The following DAAM1 variants were observed in gnomAD, a reference collection of about 807,000 sequenced individuals.
DAAM1 encodes the protein dishevelled associated activator of morphogenesis 1.
DAAM1 carries 52 observed loss-of-function variants against 130.0 expected under a neutral mutation model. That is an observed-to-expected ratio of 0.40 (90% confidence interval 0.32 to 0.50). DAAM1 has a LOEUF of 0.50. DAAM1 is among the 20% of genes least tolerant of loss of function. The pLI is 0.61. For missense variants in DAAM1, 1,134 were observed against 1,303.8 expected (o/e 0.87, Z 2.01); for synonymous variants, 452 against 444.5 (o/e 1.02, Z -0.21).
chr14:59,363,801 C>A lies in DAAM1; in HGVS notation c.2826+19C>A. 1 of 1,612,496 alleles carries A rather than the reference C, an allele frequency of 6.2e-7. No individual in the cohort carries two copies. The highest frequency in any genetic ancestry group is 8.5e-7 in the Non-Finnish European group (1 of 1,179,722). ...AGACCTGGTAAGTTTCCCCCTTGTG[C>A]ACTGAGTGTTGTTTGACCGGGCTGG... On this transcript the variant is annotated intron_variant, in intron 23 of 24. Coordinates refer to ENST00000360909, the MANE Select transcript of DAAM1 (RefSeq NM_001270520.2).
At chr14:59,221,465 C>G (rs1888770308) in intron 1 of DAAM1, among the ~76,000 whole-genome samples, 1 of 152,172 alleles carries the variant, frequency 6.6e-6, no homozygotes, top group Non-Finnish European at 1.5e-5. Flanking sequence ...ATTCTGTATT[C>G]CCTTTGCCTT....
intron 23 of DAAM1, among the ~76,000 whole-genome samples, chr14:59,366,904 T>TAAGA (rs1236418959): frequency 7.1e-6 from 1 of 140,688 alleles, no homozygotes; most frequent in African/African-American, 2.6e-5. Context: ...GGGTAACATG[T>TAAGA]AAGACCCCAT....
intron 1 of DAAM1, among the ~76,000 whole-genome samples, chr14:59,224,059 C>G (rs1888860164): frequency 6.6e-6 from 1 of 152,200 alleles, no homozygotes; most frequent in Admixed American, 6.5e-5. Context: ...TGATGTACCT[C>G]TGAGGCAGCA....
chr14:59,263,380 C>T, intron 1 of DAAM1, 61 bp from the exon 2 acceptor site: 1 of 1,472,796 alleles, frequency 6.8e-7, no homozygotes, highest in Non-Finnish European at 9.3e-7. Flanking sequence ...TTGGTCTGGC[C>T]TTTTAAAAAT....
chr14:59,199,216 C>T (rs8016570), intron 1 of DAAM1, among the ~76,000 whole-genome samples: 80,742 of 152,066 alleles, frequency 0.53, 21,509 homozygotes, highest in East Asian at 0.64. Context: ...GGATGAAACT[C>T]GACAGAGTCT....
At chr14:59,347,124 C>G (rs1886115114) in intron 16 of DAAM1, among the ~76,000 whole-genome samples, 1 of 152,052 alleles carries the variant, frequency 6.6e-6, no homozygotes, top group Non-Finnish European at 1.5e-5. Context: ...TTCTAAACTT[C>G]TCAAAATCCA....
At chr14:59,195,830 C>T (rs962976058) in intron 1 of DAAM1, among the ~76,000 whole-genome samples, 1 of 151,630 alleles carries the variant, frequency 6.6e-6, no homozygotes, top group African/African-American at 2.4e-5. Flanking sequence ...TTAGCTTTGC[C>T]TTGTTTTGGA....
chr14:59,262,289 A>G (rs1050350806), intron 1 of DAAM1, among the ~76,000 whole-genome samples: 24 of 152,316 alleles, frequency 1.6e-4, no homozygotes, highest in African/African-American at 5.1e-4. Context: ...ACGTTTTTAA[A>G]AAGACGCAAT....
intron 6 of DAAM1, 81 bp downstream of exon 6, chr14:59,323,306 G>GA: frequency 1.4e-6 from 2 of 1,389,304 alleles, no homozygotes; most frequent in Non-Finnish European, 1.9e-6. Context: ...CCTGAAAGGG[G>GA]AATGTTACTT....
chr14:59,283,117 C>T (rs1594798554), intron 2 of DAAM1, among the ~76,000 whole-genome samples: 1 of 152,292 alleles, frequency 6.6e-6, no homozygotes, highest in South Asian at 2.1e-4. Flanking sequence ...TTTCTTCACA[C>T]CTCTGCTCAG....
At position 59,320,282 on chromosome 14, in the gene DAAM1, T is replaced by C. The variant is rs143745640; in HGVS notation, c.346-208T>C. On this transcript the variant is annotated intron_variant, in intron 4 of 24. Transcript: ENST00000360909. ...TCAAAGTGTAATTATAGAATAGTTA[T>C]ACAAGCATTTGGGCAACGTCATCTC... Among the ~76,000 whole-genome samples the C allele has an allele frequency of 1.3e-4, 20 of 152,352 alleles. No individual in the cohort carries two copies. In the East Asian group the frequency reaches 3.5e-3, roughly 26 times the overall value.
intron 13 of DAAM1, 37 bp downstream of exon 13, chr14:59,330,725 G>A (rs1435658736): frequency 6.4e-7 from 1 of 1,560,128 alleles, no homozygotes; most frequent in African/African-American, 1.4e-5. Context: ...CAGCTGCCAA[G>A]GCCTCACTGA....
intron 1 of DAAM1, among the ~76,000 whole-genome samples, chr14:59,209,536 ACAACCAT>A (rs1888365419): frequency 1.3e-5 from 2 of 152,190 alleles, no homozygotes; most frequent in Non-Finnish European, 1.5e-5. Context: ...GAATACCCAT[ACAACCAT>A]TCTATTTTTC....
intron 3 of DAAM1, among the ~76,000 whole-genome samples, chr14:59,296,612 C>T (rs576757782): frequency 6.6e-6 from 1 of 152,138 alleles, no homozygotes; most frequent in East Asian, 1.9e-4. Context: ...GAGAAACCAA[C>T]CTCTAGGAGT....
intron 2 of DAAM1, among the ~76,000 whole-genome samples, chr14:59,278,575 A>C (rs1883072920): frequency 6.6e-6 from 1 of 152,196 alleles, no homozygotes; most frequent in South Asian, 2.1e-4. Flanking sequence ...GAATAAGAGG[A>C]CACTACTATA....
chr14:59,345,880 A>G (rs985402976), intron 16 of DAAM1, among the ~76,000 whole-genome samples: 5 of 152,190 alleles, frequency 3.3e-5, no homozygotes, highest in African/African-American at 4.8e-5. Flanking sequence ...CACTGGTGAA[A>G]TAGTGGGTAT....
At position 59,331,806 on chromosome 14, in the gene DAAM1, T is replaced by C. The variant is rs1405182859; in HGVS notation, c.1861-7T>C. On this transcript the variant is annotated splice_polypyrimidine_tract_variant and splice_region_variant and intron_variant, in intron 14 of 24. Coordinates refer to ENST00000360909, the MANE Select transcript of DAAM1 (RefSeq NM_001270520.2). ...AACTATAGCACTTATTACATTGATGTTTCTAGAACAAACTGGAAGGAACAG... is the reference window on the plus strand; with the variant it reads ...AACTATAGCACTTATTACATTGATGCTTCTAGAACAAACTGGAAGGAACAG... 6.2e-7 allele frequency: 1 copy of C among 1,611,384 alleles called. No homozygotes were observed. Among genetic ancestry groups the C allele is most frequent in the Non-Finnish European group, 8.5e-7 (1 of 1,178,776 alleles).
At chr14:59,240,847 T>C (rs904274105) in intron 1 of DAAM1, among the ~76,000 whole-genome samples, 2 of 152,220 alleles carry the variant, frequency 1.3e-5, no homozygotes, top group African/African-American at 4.8e-5. Context: ...CATCTCTGGA[T>C]GGAGAGGCAG....
At chr14:59,302,250 G>A (rs922553637) in intron 3 of DAAM1, among the ~76,000 whole-genome samples, 1 of 152,150 alleles carries the variant, frequency 6.6e-6, no homozygotes, top group Non-Finnish European at 1.5e-5. Flanking sequence ...TGTAACTGGG[G>A]AACACCGGGC....
Sources: gnomAD v4.1 joint callset for allele counts (sites outside exome capture counted in the v4.1 genomes callset) on GRCh38, gnomAD v4.1.1 for gene constraint, MANE v1.5 for transcripts, NCBI Gene and HGNC (gene_info 2026-07-23, HGNC 2026-07-21) for gene names.